Variants in PDZD9 observed in about 807,000 individuals in gnomAD.
PDZD9 encodes the protein PDZ domain-containing protein 9.
In PDZD9, 13 loss-of-function variants were observed where a neutral mutation model predicts 16.3. The ratio of observed to expected loss-of-function variants is 0.80; its 90% CI spans 0.52 to 1.27. The LOEUF (loss-of-function observed/expected upper bound fraction) is 1.27, where lower values mean the gene tolerates loss of function less well. Among genes scored for constraint, PDZD9 ranks in the 50% most tolerant of loss-of-function variants. PDZD9 has a pLI of 0.00. For missense variants in PDZD9, 288 were observed against 310.9 expected, an observed-to-expected ratio of 0.93 and a Z score of 0.55; for synonymous variants, 120 against 111.0, an observed-to-expected ratio of 1.08 and a Z score of -0.51.
chr16:21,971,511 T>C, the PDZD9 span: 7 of 1,592,538 alleles, frequency 4.4e-6, no homozygotes, highest in Middle Eastern at 1.7e-4. Context: ...TTGTTTTTGC[T>C]TCTGTTGAAA....
chr16:21,958,161 G>C, the PDZD9 span, among the ~76,000 whole-genome samples: 1 of 152,126 alleles, frequency 6.6e-6, no homozygotes, highest in Admixed American at 6.5e-5. Context: ...TTGCCACAGA[G>C]AAGCACTAAA....
chr16:21,998,963 T>G (rs566724947), intron 1 of PDZD9: 2 of 227,936 alleles, frequency 8.8e-6, no homozygotes, highest in Non-Finnish European at 2.0e-5. Flanking sequence ...CCATGAGAGC[T>G]TCACAGGTTA....
In PDZD9 at chr16:21,984,231, G is replaced by T; in HGVS notation, c.*36C>A. ...GCCTGGTGAGGCACAAAACTTGGGTGTCTGCAAGATAAATGCTCATATGAC... is the reference window on the plus strand; with the variant it reads ...GCCTGGTGAGGCACAAAACTTGGGTTTCTGCAAGATAAATGCTCATATGAC... On this transcript the variant is annotated 3_prime_UTR_variant, in exon 4 of 4. Coordinates refer to ENST00000424898, the MANE Select transcript of PDZD9 (RefSeq NM_001363519.1). 1 of 1,565,104 alleles carries T rather than the reference G, an allele frequency of 6.4e-7. No homozygotes were observed.
intron 1 of PDZD9, chr16:21,999,198 C>A: frequency 5.5e-6 from 1 of 180,510 alleles, no homozygotes; most frequent in East Asian, 1.4e-4. Flanking sequence ...AGTGCATGCT[C>A]AGGATGAACT....
chr16:21,990,166 C>T (rs778493787), intron 2 of PDZD9, among the ~76,000 whole-genome samples: 25 of 152,258 alleles, frequency 1.6e-4, no homozygotes, highest in East Asian at 9.6e-4. Flanking sequence ...GCTGCTACAA[C>T]GGCATTCAGC....
chr16:21,966,608 C>T, the PDZD9 span, among the ~76,000 whole-genome samples: 3 of 152,180 alleles, frequency 2.0e-5, no homozygotes, highest in Non-Finnish European at 2.9e-5. Flanking sequence ...GTATCCCTTG[C>T]TCTTTTTGAC....
At chr16:21,968,403 C>A in the PDZD9 span, 1 of 374,320 alleles carries the variant, frequency 2.7e-6, no homozygotes, top group Non-Finnish European at 4.8e-6. Context: ...TCATTATATT[C>A]ACAGAGTTGT....
chr16:21,984,673 G>T lies in PDZD9; in HGVS notation c.402-13C>A. 2 of 1,481,602 alleles carry T rather than the reference G, an allele frequency of 1.3e-6. No homozygotes were observed. Among genetic ancestry groups the T allele is most frequent in the South Asian group, 1.5e-5 (1 of 65,736 alleles). The allele number at this position is 1,481,602 out of a possible 1,614,324, so 91.8% of individuals were successfully genotyped here. A position where few individuals can be genotyped will look rare whatever the true frequency, so the allele number is the denominator to read the frequency against. On this transcript the variant is annotated splice_polypyrimidine_tract_variant and intron_variant, in intron 3 of 3. Coordinates refer to ENST00000424898, the MANE Select transcript of PDZD9 (RefSeq NM_001363519.1). The stretch of plus-strand genomic sequence containing the variant: ...TTTCTTTGGTGTGCTGAAATGAAAA[G>T]AATAGTGAATAAAATAGATTCTTCA...
chr16:21,989,457 T>C (rs1404494490), intron 2 of PDZD9, among the ~76,000 whole-genome samples: 2 of 152,172 alleles, frequency 1.3e-5, no homozygotes, highest in East Asian at 3.9e-4. Flanking sequence ...AATGAATGGC[T>C]ATTACTAGAA....
the PDZD9 span, chr16:21,972,035 C>T: frequency 8.7e-6 from 14 of 1,614,162 alleles, no homozygotes; most frequent in South Asian, 6.6e-5. Flanking sequence ...AGCATGTCCT[C>T]GGTGCTGGGC....
the PDZD9 span, among the ~76,000 whole-genome samples, chr16:21,963,838 G>A: frequency 1.3e-5 from 2 of 152,002 alleles, no homozygotes; most frequent in Admixed American, 1.3e-4. Flanking sequence ...TGCTATTATT[G>A]CTTACTATTG....
At chr16:21,990,944 TTTTC>T (rs1351089496) in intron 2 of PDZD9, among the ~76,000 whole-genome samples, 2 of 152,176 alleles carry the variant, frequency 1.3e-5, no homozygotes, top group Non-Finnish European at 2.9e-5. Flanking sequence ...ACACCTTTTT[TTTTC>T]TGTTTTAATG....
chr16:21,967,241 C>T, the PDZD9 span, among the ~76,000 whole-genome samples: 1 of 152,020 alleles, frequency 6.6e-6, no homozygotes, highest in African/African-American at 2.4e-5. Context: ...GTACAGACAC[C>T]ATTCATTTTA....
At position 21,984,544 on chromosome 16, in the gene PDZD9, T is replaced by C. The variant is rs1305866132; in HGVS notation, c.518A>G (p.His173Arg). 1 of 1,599,368 alleles carries C rather than the reference T, an allele frequency of 6.3e-7. No homozygotes were observed. The highest frequency in any genetic ancestry group is 1.1e-5 in the South Asian group (1 of 90,184). ...QYYRYPWSTV[H>R]HPARRPISIS... ...GGATATTGGTCTCCTTGCAGGGTGA[T>C]GCACAGTTGACCACGGATATCTATA... Residue 173 changes from histidine (H) to arginine (R), a missense_variant, in exon 4 of 4, where the codon CAT (histidine) becomes CGT (arginine). Physicochemically the swap from His to Arg is conservative, Grantham distance 29 (BLOSUM62 0). Transcript: ENST00000424898.
the PDZD9 span, chr16:21,962,584 T>C: frequency 7.5e-6 from 12 of 1,606,780 alleles, no homozygotes; most frequent in Admixed American, 3.3e-5. Flanking sequence ...TTCTGGTCTT[T>C]GTAATGCGTC....
In PDZD9 at chr16:22,001,024, G is replaced by A; in HGVS notation, c.24C>T (p.Asn8=). Residue 8 remains asparagine, a synonymous_variant, in exon 1 of 4, where the codon AAC becomes AAT. Coordinates refer to ENST00000424898, the MANE Select transcript of PDZD9 (RefSeq NM_001363519.1). Reference sequence around the variant, plus strand: ...TTCCTTCTCCCCAGTTACCTTTTTTGTTTTTGTGGGAGGCCTTCTGCATGG... The same window carrying A: ...TTCCTTCTCCCCAGTTACCTTTTTTATTTTTGTGGGAGGCCTTCTGCATGG... MQKASHK[N]KKERGVSNKV... is the part of the protein sequence containing the mutation. 1 of 1,532,638 alleles carries A rather than the reference G, an allele frequency of 6.5e-7. No homozygotes were observed. The highest frequency in any genetic ancestry group is 8.7e-7 in the Non-Finnish European group (1 of 1,145,672). The allele number at this position is 1,532,638 out of a possible 1,614,324, so 94.9% of individuals were successfully genotyped here. A position where few individuals can be genotyped will look rare whatever the true frequency, so the allele number is the denominator to read the frequency against.
At chr16:21,989,305 A>G (rs1305306885) in intron 2 of PDZD9, among the ~76,000 whole-genome samples, 1 of 152,076 alleles carries the variant, frequency 6.6e-6, no homozygotes, top group Non-Finnish European at 1.5e-5. Context: ...TGTATGCAAG[A>G]TGTTTCTTAA....
the PDZD9 span, chr16:21,962,090 C>T: frequency 1.1e-5 from 2 of 188,774 alleles, no homozygotes; most frequent in Admixed American, 1.1e-4. Flanking sequence ...CTCCCCTCCC[C>T]TCAGCCTTTG....
intron 2 of PDZD9, among the ~76,000 whole-genome samples, chr16:21,989,393 A>G (rs1898968716): frequency 6.6e-6 from 1 of 152,158 alleles, no homozygotes; most frequent in African/African-American, 2.4e-5. Context: ...GCTAAAAAAC[A>G]TTTATAATCG....
Sources: gnomAD v4.1 joint callset for allele counts (sites outside exome capture counted in the v4.1 genomes callset) on GRCh38, gnomAD v4.1.1 for gene constraint, MANE v1.5 for transcripts, NCBI Gene and HGNC (gene_info 2026-07-23, HGNC 2026-07-21) for gene names.